The following LY86 variants were observed in gnomAD, a reference collection of about 807,000 sequenced individuals.
LY86 encodes the protein lymphocyte antigen 86, also known as MD-1, RP105-associated.
Under a neutral mutation model 17.3 loss-of-function variants are expected in LY86, and 20 were observed. That is an observed-to-expected ratio of 1.15 (90% confidence interval 0.81 to 1.68). LY86 has a LOEUF of 1.68. Among genes scored for constraint, LY86 ranks in the 40% most tolerant of loss-of-function variants. The pLI is 0.00. For missense variants in LY86, 200 were observed against 191.9 expected (o/e 1.04, Z -0.25); for synonymous variants, 74 against 70.6 (o/e 1.05, Z -0.24).
chr6:6,643,444 A>G lies in LY86; in HGVS notation c.353-6181A>G, dbSNP rs534472756. 3.3e-4 allele frequency among the ~76,000 whole-genome samples: 50 copies of G among 152,372 alleles called. No individual in the cohort carries two copies. In the South Asian group the frequency reaches 0.01, roughly 32 times the overall value. On this transcript the variant is annotated intron_variant, in intron 3 of 4. Transcript: ENST00000230568. ...ATTGCATGATCTCACTTACAGGTGG[A>G]ATCCAAAAATAAAAGTCAAACTCAT...
At chr6:6,603,824 G>A (rs9405310) in intron 1 of LY86, among the ~76,000 whole-genome samples, 104,245 of 151,488 alleles carry the variant, frequency 0.69, 37,795 homozygotes, top group East Asian at 0.81. Flanking sequence ...AAGAGTTACA[G>A]TCACAGTAAA....
chr6:6,607,031 G>A (rs763287168), intron 1 of LY86, among the ~76,000 whole-genome samples: 7 of 152,276 alleles, frequency 4.6e-5, no homozygotes, highest in Non-Finnish European at 8.8e-5. Flanking sequence ...CCAGAGGAGG[G>A]GATTGCACGG....
At position 6,605,971 on chromosome 6, in the gene LY86, A is replaced by G. The variant is rs192855362; in HGVS notation, c.136+17101A>G. Among the ~76,000 whole-genome samples the G allele has an allele frequency of 9.9e-3, 1,453 of 146,644 alleles. 15 individuals carry two copies. The highest frequency in any genetic ancestry group is 0.026 in the South Asian group (125 of 4,780). On this transcript the variant is annotated intron_variant, in intron 1 of 4. Coordinates refer to ENST00000230568, the MANE Select transcript of LY86 (RefSeq NM_004271.4). ...ACTCATAAAAGAAGCGTGGACCCAA[A>G]GAGCGACCACCAGCAAAATTTACTG...
At chr6:6,595,858 G>A (rs1760696881) in intron 1 of LY86, among the ~76,000 whole-genome samples, 1 of 152,216 alleles carries the variant, frequency 6.6e-6, no homozygotes, top group African/African-American at 2.4e-5. Context: ...CAGTGAGCGG[G>A]GAGGGGAGGA....
chr6:6,650,225 T>G (rs1304279635), intron 4 of LY86, among the ~76,000 whole-genome samples: 1 of 152,190 alleles, frequency 6.6e-6, no homozygotes, highest in African/African-American at 2.4e-5. Flanking sequence ...CAGCTAAGAG[T>G]AGAATTTTCC....
intron 3 of LY86, among the ~76,000 whole-genome samples, chr6:6,629,971 G>T (rs1581248637): frequency 6.6e-6 from 1 of 152,312 alleles, no homozygotes; most frequent in East Asian, 1.9e-4. Flanking sequence ...TGACAAAGAA[G>T]CATGCTATAA....
intron 1 of LY86, among the ~76,000 whole-genome samples, chr6:6,616,480 G>A (rs1350090228): frequency 6.6e-6 from 1 of 152,156 alleles, no homozygotes; most frequent in East Asian, 1.9e-4. Flanking sequence ...TTAGCAAACA[G>A]GGATGTTACT....
chr6:6,589,902 A>G (rs1000967749), intron 1 of LY86, among the ~76,000 whole-genome samples: 1 of 152,020 alleles, frequency 6.6e-6, no homozygotes, highest in African/African-American at 2.4e-5. Flanking sequence ...AGGGTGAACC[A>G]CTTGAGGTCA....
intron 3 of LY86, among the ~76,000 whole-genome samples, chr6:6,631,284 G>A (rs1324258286): frequency 6.6e-6 from 1 of 152,246 alleles, no homozygotes; most frequent in East Asian, 1.9e-4. Context: ...CTTATCAGAT[G>A]AGGAAATTGA....
chr6:6,611,650 C>T (rs928770273), intron 1 of LY86, among the ~76,000 whole-genome samples: 9 of 152,258 alleles, frequency 5.9e-5, no homozygotes, highest in Admixed American at 4.6e-4. Context: ...TGGTGCCTCC[C>T]TGTTCTCTCA....
chr6:6,636,568 C>G (rs566336860), intron 3 of LY86, among the ~76,000 whole-genome samples: 1 of 152,286 alleles, frequency 6.6e-6, no homozygotes, highest in Non-Finnish European at 1.5e-5. Context: ...AAGTTTAAGA[C>G]CTTTTCCTTA....
chr6:6,611,439 C>T (rs563534829), intron 1 of LY86, among the ~76,000 whole-genome samples: 62 of 152,328 alleles, frequency 4.1e-4, no homozygotes, highest in African/African-American at 1.5e-3. Context: ...TCAGCTAATA[C>T]ATACGTAGGG....
intron 1 of LY86, among the ~76,000 whole-genome samples, chr6:6,624,692 C>T (rs368985905): frequency 1.7e-4 from 26 of 152,108 alleles, no homozygotes; most frequent in African/African-American, 6.0e-4. Context: ...ACTAGCAAGA[C>T]CCTGTTTATT....
intron 1 of LY86, chr6:6,622,707 G>A (rs757717094): frequency 1.3e-5 from 2 of 151,600 alleles, no homozygotes; most frequent in Non-Finnish European, 2.9e-5. Flanking sequence ...CATCTTCCAG[G>A]TCAGCAATGT....
At chr6:6,630,147 T>C (rs1761877888) in intron 3 of LY86, among the ~76,000 whole-genome samples, 1 of 152,262 alleles carries the variant, frequency 6.6e-6, no homozygotes, top group Non-Finnish European at 1.5e-5. Flanking sequence ...TTTGCAAGGT[T>C]ACTCTTTTAA....
At chr6:6,612,300 C>G (rs760049359) in intron 1 of LY86, among the ~76,000 whole-genome samples, 3 of 152,180 alleles carry the variant, frequency 2.0e-5, no homozygotes, top group Non-Finnish European at 4.4e-5. Context: ...GGTTAGTGGC[C>G]TTGCTAACTT....
At chr6:6,652,493 C>T (rs1038093293) in intron 4 of LY86, among the ~76,000 whole-genome samples, 1 of 152,196 alleles carries the variant, frequency 6.6e-6, no homozygotes, top group Non-Finnish European at 1.5e-5. Flanking sequence ...CCTCTGAACT[C>T]ATCCAACCCC....
intron 3 of LY86, among the ~76,000 whole-genome samples, chr6:6,641,302 T>C (rs1883409): frequency 0.65 from 98,865 of 152,160 alleles, 33,361 homozygotes; most frequent in African/African-American, 0.84. Context: ...TAGGTTATTC[T>C]ACTTATGCAC....
chr6:6,640,143 C>T (rs1762017455), intron 3 of LY86, among the ~76,000 whole-genome samples: 3 of 152,150 alleles, frequency 2.0e-5, no homozygotes, highest in South Asian at 2.1e-4. Flanking sequence ...AATGATTTGG[C>T]TAGGAGTCAA....
Sources: gnomAD v4.1 joint callset for allele counts (sites outside exome capture counted in the v4.1 genomes callset) on GRCh38, gnomAD v4.1.1 for gene constraint, MANE v1.5 for transcripts, NCBI Gene and HGNC (gene_info 2026-07-23, HGNC 2026-07-21) for gene names.